The following NKAIN3 variants were observed in gnomAD, a reference collection of about 807,000 sequenced individuals.
NKAIN3 encodes the protein sodium/potassium transporting ATPase interacting 3, also known as sodium/potassium-transporting ATPase subunit beta-1-interacting protein 3.
In NKAIN3, 25 loss-of-function variants were observed where a neutral mutation model predicts 30.2. That is an observed-to-expected ratio of 0.83 (90% CI 0.60 to 1.16). NKAIN3 has a LOEUF of 1.16. Ranked by LOEUF, NKAIN3 falls within the 50% of genes most tolerant of loss-of-function variation. The pLI is 0.00. For missense variants in NKAIN3, 225 were observed against 254.1 expected, an observed-to-expected ratio of 0.89 and a Z score of 0.78; for synonymous variants, 91 against 89.6, an observed-to-expected ratio of 1.02 and a Z score of -0.09.
At chr8:62,510,008 G>A (rs1807770536) in intron 1 of NKAIN3, among the ~76,000 whole-genome samples, 1 of 152,134 alleles carries the variant, frequency 6.6e-6, no homozygotes, top group Non-Finnish European at 1.5e-5. Context: ...ATGGCTGAGA[G>A]ATGAGAAGTG....
chr8:62,826,496 A>T (rs935594520), intron 4 of NKAIN3, among the ~76,000 whole-genome samples: 1 of 152,210 alleles, frequency 6.6e-6, no homozygotes. Flanking sequence ...TTGGAGCAAG[A>T]GTCTCTTTTC....
chr8:62,653,572 G>T (rs755451422), intron 3 of NKAIN3, among the ~76,000 whole-genome samples: 1 of 152,164 alleles, frequency 6.6e-6, no homozygotes, highest in Non-Finnish European at 1.5e-5. Flanking sequence ...GGATGCATAA[G>T]CAAGTTATTG....
At chr8:62,740,032 A>T (rs1257731921) in intron 3 of NKAIN3, among the ~76,000 whole-genome samples, 1 of 152,184 alleles carries the variant, frequency 6.6e-6, no homozygotes, top group East Asian at 1.9e-4. Flanking sequence ...ATAATTTTTG[A>T]TATATTTGAA....
intron 5 of NKAIN3, among the ~76,000 whole-genome samples, chr8:62,997,226 C>T (rs182973697): frequency 6.6e-6 from 1 of 152,248 alleles, no homozygotes; most frequent in Admixed American, 6.5e-5. Context: ...TTGCTTCTGG[C>T]ACATTTCTAG....
intron 4 of NKAIN3, among the ~76,000 whole-genome samples, chr8:62,811,598 T>A (rs1818490667): frequency 6.8e-6 from 1 of 146,128 alleles, no homozygotes; most frequent in Non-Finnish European, 1.5e-5. Context: ...ATCATTGTGG[T>A]TTTAATTTGC....
At chr8:62,819,537 T>C (rs1048910390) in intron 4 of NKAIN3, among the ~76,000 whole-genome samples, 3 of 151,822 alleles carry the variant, frequency 2.0e-5, no homozygotes, top group African/African-American at 4.9e-5. Context: ...ATAGCATTGA[T>C]TAATTGTCTC....
chr8:62,513,414 T>C (rs903524633), intron 1 of NKAIN3, among the ~76,000 whole-genome samples: 6 of 151,694 alleles, frequency 4.0e-5, no homozygotes, highest in African/African-American at 1.5e-4. Flanking sequence ...TGGTCATAAA[T>C]ATAAGCACAA....
chr8:62,965,867 G>A lies in NKAIN3; in HGVS notation c.*460G>A. On this transcript the variant is annotated 3_prime_UTR_variant, in exon 7 of 7. Coordinates refer to ENST00000623646, the MANE Select transcript of NKAIN3 (RefSeq NM_001304533.3). Reference sequence around the variant, plus strand: ...AGCCACCAAGGTAGACCCTGTGACAGCTGATAAATAGGTACAAATAATGGA... The same window carrying A: ...AGCCACCAAGGTAGACCCTGTGACAACTGATAAATAGGTACAAATAATGGA... The A allele has an allele frequency of 1.0e-6, 1 of 985,122 alleles. No individual in the cohort carries two copies. Among genetic ancestry groups the A allele is most frequent in the Middle Eastern group, 5.2e-4 (1 of 1,914 alleles). The allele number at this position is 985,122 out of a possible 1,614,324, so 61.0% of individuals were successfully genotyped here.
rs148756294 is a variant in NKAIN3, at chr8:62,773,254, T to C, written c.471+26125T>C. On this transcript the variant is annotated intron_variant, in intron 4 of 6. Coordinates refer to ENST00000623646, the MANE Select transcript of NKAIN3 (RefSeq NM_001304533.3). ...TTGTATATGGAGAGAGATTGGAGTA[T>C]GGTTTCATTTATCTGTGTATGCGTT... Among the ~76,000 whole-genome samples the C allele has an allele frequency of 5.4e-3, 816 of 152,244 alleles. 3 individuals carry two copies. Among genetic ancestry groups the C allele is most frequent in the African/African-American group, 0.018 (756 of 41,552 alleles).
rs1012897736 is a variant in NKAIN3 at position 62,965,672 on chromosome 8, A to G, written c.*265A>G. 7.1e-6 allele frequency: 7 copies of G among 980,596 alleles called. No homozygotes were observed. The African/African-American group carries it at 1.2e-4, about 17-fold the overall frequency. 60.7% of individuals were successfully genotyped at this position (980,596 alleles called of 1,614,324 possible). A position where few individuals can be genotyped will look rare whatever the true frequency, so the allele number is the denominator to read the frequency against. Reference sequence around the variant, plus strand: ...AATTTGGTTTTAAATTTTTAACAATATTTAATGTGAGGCATGCAAAATGAA... The same window carrying G: ...AATTTGGTTTTAAATTTTTAACAATGTTTAATGTGAGGCATGCAAAATGAA... On this transcript the variant is annotated 3_prime_UTR_variant, in exon 7 of 7. Coordinates refer to ENST00000623646, the MANE Select transcript of NKAIN3 (RefSeq NM_001304533.3).
At chr8:62,623,599 G>A (rs73264826) in intron 3 of NKAIN3, among the ~76,000 whole-genome samples, 3,725 of 152,018 alleles carry the variant, frequency 0.025, 152 homozygotes, top group African/African-American at 0.085. Flanking sequence ...CTTTTCTTAC[G>A]TAGGTACAAA....
chr8:62,480,228 C>T (rs1432216321), intron 1 of NKAIN3, among the ~76,000 whole-genome samples: 1 of 152,010 alleles, frequency 6.6e-6, no homozygotes, highest in Non-Finnish European at 1.5e-5. Context: ...CTTTTAGCTG[C>T]CACATACACC....
chr8:62,391,210 T>G (rs940912494), intron 1 of NKAIN3, among the ~76,000 whole-genome samples: 2 of 152,172 alleles, frequency 1.3e-5, no homozygotes, highest in African/African-American at 4.8e-5. Context: ...GATTAGATAC[T>G]TAAATGTAAA....
At chr8:62,448,923 T>A (rs1197082380) in intron 1 of NKAIN3, among the ~76,000 whole-genome samples, 3 of 151,954 alleles carry the variant, frequency 2.0e-5, no homozygotes, top group Non-Finnish European at 2.9e-5. Context: ...TAATTTGAGG[T>A]TATATTGTCT....
At chr8:62,727,708 G>A (rs1388859490) in intron 3 of NKAIN3, among the ~76,000 whole-genome samples, 1 of 152,084 alleles carries the variant, frequency 6.6e-6, no homozygotes, top group Non-Finnish European at 1.5e-5. Flanking sequence ...ATAAATAATG[G>A]AGAGATATTT....
intron 4 of NKAIN3, among the ~76,000 whole-genome samples, chr8:62,787,316 G>C (rs1817554053): frequency 6.6e-6 from 1 of 151,986 alleles, no homozygotes; most frequent in African/African-American, 2.4e-5. Flanking sequence ...GATTTAGGCA[G>C]CTAGCAATAG....
chr8:62,786,081 C>A (rs1309776617), intron 4 of NKAIN3, among the ~76,000 whole-genome samples: 2 of 151,858 alleles, frequency 1.3e-5, no homozygotes, highest in Non-Finnish European at 1.5e-5. Flanking sequence ...CCCCTCCCTG[C>A]AACAAAAAGA....
chr8:62,849,295 C>CT lies in NKAIN3; in HGVS notation c.472-69139dup, dbSNP rs71255367. ...AGATGTGAATTCATCTGGTCCTGGG[C>CT]TTTTTTTTTTTTTTTTTTTGGTTGG... On this transcript the variant is annotated intron_variant, in intron 4 of 6. Coordinates refer to ENST00000623646, the MANE Select transcript of NKAIN3 (RefSeq NM_001304533.3). 5.1e-3 allele frequency among the ~76,000 whole-genome samples: 541 copies of CT among 106,056 alleles called. 3 individuals are homozygous for CT. Among genetic ancestry groups the CT allele is most frequent in the Middle Eastern group, 0.013 (2 of 160 alleles). 69.6% of individuals were successfully genotyped at this position (106,056 alleles called of 152,430 possible).
intron 5 of NKAIN3, among the ~76,000 whole-genome samples, chr8:62,928,963 T>G (rs539754175): frequency 6.6e-6 from 1 of 151,446 alleles, no homozygotes; most frequent in Admixed American, 6.6e-5. Flanking sequence ...GAGTTAGGAG[T>G]CCAGCGTATC....
Sources: gnomAD v4.1 joint callset for allele counts (sites outside exome capture counted in the v4.1 genomes callset) on GRCh38, gnomAD v4.1.1 for gene constraint, MANE v1.5 for transcripts, NCBI Gene and HGNC (gene_info 2026-07-23, HGNC 2026-07-21) for gene names.